Variants in GPC6 observed in about 807,000 individuals in gnomAD.
GPC6 encodes the protein glypican-6.
A neutral mutation model predicts 55.2 loss-of-function variants in GPC6; 14 were observed. That is an observed-to-expected ratio of 0.25 (90% CI 0.17 to 0.40). The LOEUF is 0.40. Among genes scored for constraint, GPC6 ranks in the 10% least tolerant of loss-of-function variants. GPC6 has a pLI of 1.00. For synonymous variants in GPC6, 278 were observed against 259.6 expected (o/e 1.07, Z -0.68); for missense variants, 641 against 708.5 (o/e 0.90, Z 1.08).
intron 2 of GPC6, among the ~76,000 whole-genome samples, chr13:93,766,101 A>C (rs1208873231): frequency 1.3e-5 from 2 of 152,168 alleles, no homozygotes; most frequent in African/African-American, 2.4e-5. Context: ...AGAAAAGGCT[A>C]TGTTTTAAGT....
chr13:94,302,445 T>A (rs1304755295), intron 5 of GPC6, among the ~76,000 whole-genome samples: 3 of 152,206 alleles, frequency 2.0e-5, no homozygotes, highest in Admixed American at 6.5e-5. Flanking sequence ...TTCCATCACA[T>A]CTGTGATTAG....
chr13:93,557,339 C>T (rs537439040), intron 2 of GPC6, among the ~76,000 whole-genome samples: 1 of 151,730 alleles, frequency 6.6e-6, no homozygotes, highest in Non-Finnish European at 1.5e-5. Flanking sequence ...ATTTAGAGTA[C>T]AAGTAGAAGC....
rs1877331520 is a variant in GPC6, at chr13:93,588,853, A to G, written c.319+43432A>G. Among the ~76,000 whole-genome samples the G allele has an allele frequency of 2.0e-5, 3 of 152,144 alleles. No individual in the cohort carries two copies. The South Asian group carries it at 6.2e-4, about 32-fold the overall frequency. On this transcript the variant is annotated intron_variant, in intron 2 of 8. Transcript: ENST00000377047. ...TGGTGGAGGGACAAGTATCCAAAGT[A>G]TATCACCTCCCATCATAGATTGTGA...
rs72641650 is a variant in GPC6 at position 93,576,074 on chromosome 13, C to G, written c.319+30653C>G. Among the ~76,000 whole-genome samples, 486 of 152,202 alleles carry G rather than the reference C, an allele frequency of 3.2e-3. 1 individual carries two copies. Among genetic ancestry groups the G allele is most frequent in the Non-Finnish European group, 5.4e-3 (365 of 67,996 alleles). On this transcript the variant is annotated intron_variant, in intron 2 of 8. Transcript: ENST00000377047. ...ATTCACTTACCTTTGCTTGTATATG[C>G]TTCTTTCCCCTTTATATTTACCCCA...
At chr13:94,083,107 G>GT (rs979246739) in intron 4 of GPC6, among the ~76,000 whole-genome samples, 4 of 151,968 alleles carry the variant, frequency 2.6e-5, no homozygotes, top group Non-Finnish European at 5.9e-5. Flanking sequence ...CCTGCTCAAG[G>GT]TTTTTTTGTT....
intron 4 of GPC6, among the ~76,000 whole-genome samples, chr13:94,096,257 A>C (rs1286812086): frequency 6.6e-6 from 1 of 152,124 alleles, no homozygotes; most frequent in African/African-American, 2.4e-5. Context: ...TTACAGGAGC[A>C]GAGAAGGGAC....
intron 2 of GPC6, among the ~76,000 whole-genome samples, chr13:93,606,907 A>G (rs1878259700): frequency 6.6e-6 from 1 of 152,216 alleles, no homozygotes; most frequent in Admixed American, 6.5e-5. Flanking sequence ...GGACCTAAAA[A>G]TATTAGAGAT....
intron 3 of GPC6, among the ~76,000 whole-genome samples, chr13:94,001,672 A>G (rs1881807532): frequency 6.6e-6 from 1 of 152,178 alleles, no homozygotes; most frequent in South Asian, 2.1e-4. Flanking sequence ...ACCAAAATAG[A>G]TTGGTGAATT....
chr13:93,760,555 G>C (rs1388429859), intron 2 of GPC6, among the ~76,000 whole-genome samples: 3 of 152,136 alleles, frequency 2.0e-5, no homozygotes, highest in Non-Finnish European at 4.4e-5. Flanking sequence ...GGACTAATGG[G>C]CAGGAAATGG....
At chr13:93,409,320 ACT>A (rs1332493856) in intron 1 of GPC6, among the ~76,000 whole-genome samples, 3 of 152,252 alleles carry the variant, frequency 2.0e-5, no homozygotes, top group African/African-American at 7.2e-5. Context: ...TTTTTAAGTA[ACT>A]ATAAACAAGA....
intron 2 of GPC6, among the ~76,000 whole-genome samples, chr13:93,829,167 G>A (rs565901333): frequency 2.0e-5 from 3 of 151,178 alleles, no homozygotes; most frequent in East Asian, 3.9e-4. Flanking sequence ...AACCTCAGAA[G>A]CATTATCTTT....
intron 2 of GPC6, among the ~76,000 whole-genome samples, chr13:93,669,721 G>C (rs936058777): frequency 3.9e-5 from 6 of 152,118 alleles, no homozygotes; most frequent in Non-Finnish European, 8.8e-5. Context: ...TCCAAGGAAG[G>C]AAGAGCAAGC....
intron 4 of GPC6, among the ~76,000 whole-genome samples, chr13:94,234,329 A>G (rs1890812951): frequency 6.6e-6 from 1 of 152,176 alleles, no homozygotes; most frequent in Admixed American, 6.5e-5. Flanking sequence ...TTTTTATTGT[A>G]TCTGTTGTAT....
chr13:93,361,971 G>C (rs555913109), intron 1 of GPC6, among the ~76,000 whole-genome samples: 1 of 152,192 alleles, frequency 6.6e-6, no homozygotes, highest in Non-Finnish European at 1.5e-5. Context: ...GTGACTGGAT[G>C]ATCATACAAA....
chr13:93,979,434 T>C (rs1221602653), intron 3 of GPC6, among the ~76,000 whole-genome samples: 1 of 151,932 alleles, frequency 6.6e-6, no homozygotes, highest in African/African-American at 2.4e-5. Context: ...TAGGGTCATT[T>C]TTCCACTTTC....
chr13:94,216,028 G>C (rs1269170461), intron 4 of GPC6, among the ~76,000 whole-genome samples: 1 of 152,058 alleles, frequency 6.6e-6, no homozygotes, highest in Non-Finnish European at 1.5e-5. Flanking sequence ...AGACAAACAT[G>C]TCAGATATGA....
Position 93,981,974 on chromosome 13 carries a change from A to G in GPC6, c.712-45755A>G, listed in dbSNP as rs555763829. 7.9e-5 allele frequency among the ~76,000 whole-genome samples: 12 copies of G among 151,928 alleles called. 1 individual carries two copies. The South Asian group carries it at 2.3e-3, about 29-fold the overall frequency. ...AATAAATGATGTCTTTTTTTCTTCT[A>G]TTTCTTCCTGAAATCATAATAGCAC... On this transcript the variant is annotated intron_variant, in intron 3 of 8. Coordinates refer to ENST00000377047, the MANE Select transcript of GPC6 (RefSeq NM_005708.5).
chr13:93,840,037 G>T (rs776501347), intron 3 of GPC6, among the ~76,000 whole-genome samples: 1 of 152,052 alleles, frequency 6.6e-6, no homozygotes, highest in Non-Finnish European at 1.5e-5. Context: ...GTGTCAAAAG[G>T]ATTGGTGCCA....
intron 6 of GPC6, among the ~76,000 whole-genome samples, chr13:94,345,449 G>A (rs942351018): frequency 1.3e-5 from 2 of 152,138 alleles, no homozygotes; most frequent in African/African-American, 2.4e-5. Context: ...TTACCAAATC[G>A]TTACTAGTGC....
Sources: gnomAD v4.1 joint callset for allele counts (sites outside exome capture counted in the v4.1 genomes callset) on GRCh38, gnomAD v4.1.1 for gene constraint, MANE v1.5 for transcripts, NCBI Gene and HGNC (gene_info 2026-07-23, HGNC 2026-07-21) for gene names.